The following SERPINA12 variants were observed in gnomAD, a reference collection of about 807,000 sequenced individuals.
SERPINA12 encodes the protein serpin family A member 12.
In SERPINA12, 21 loss-of-function variants were observed where a neutral mutation model predicts 25.9. That is an observed-to-expected ratio of 0.81 (90% CI 0.58 to 1.17). The LOEUF (loss-of-function observed/expected upper bound fraction) is 1.17, where lower values mean the gene tolerates loss of function less well. SERPINA12 is among the 50% of genes most tolerant of loss of function. The pLI is 0.00. For synonymous variants in SERPINA12, 220 were observed against 196.0 expected, an observed-to-expected ratio of 1.12 and a Z score of -1.02; for missense variants, 562 against 508.3, an observed-to-expected ratio of 1.11 and a Z score of -1.02.
At chr14:94,500,946 G>T (rs1455524031) in intron 1 of SERPINA12, 1 of 981,900 alleles carries the variant, frequency 1.0e-6, no homozygotes, top group East Asian at 1.1e-4. Context: ...TGCCTTCGTA[G>T]CTGTGTGACA....
Position 94,489,758 on chromosome 14 carries a change from G to A in SERPINA12, c.915C>T (p.Asp305=), listed in dbSNP as rs536943554. Residue 305 remains aspartate, a synonymous_variant, in exon 4 of 5, where the codon GAC becomes GAT. Transcript: ENST00000677451. ...TCATGTGGAGTCTGGGTACAGACAC[G>A]TCTACGACCCTGGGGAATTGACACG... ...WKTLLSRRVV[D]VSVPRLHMTG... is the part of the protein sequence containing the mutation. 3.8e-5 allele frequency: 62 copies of A among 1,613,890 alleles called. No individual in the cohort carries two copies. The highest frequency in any genetic ancestry group is 5.5e-5 in the South Asian group (5 of 91,072).
intron 2 of SERPINA12, among the ~76,000 whole-genome samples, chr14:94,515,619 C>T (rs1351733833): frequency 6.6e-6 from 1 of 152,174 alleles, no homozygotes; most frequent in Non-Finnish European, 1.5e-5. Context: ...GTTCTGTGCT[C>T]AAGGAGCTGA....
intron 3 of SERPINA12, among the ~76,000 whole-genome samples, chr14:94,490,916 C>T (rs1900153990): frequency 1.3e-5 from 2 of 152,192 alleles, no homozygotes; most frequent in South Asian, 2.1e-4. Flanking sequence ...GGCTCCACCC[C>T]TCCCATCTCT....
In SERPINA12 at chr14:94,487,362, T is replaced by G. The variant is rs1490659770; in HGVS notation, c.1186A>C (p.Ser396Arg). ...AAGAGCACGGAAGGTATTTTCTCGC[T>G]GTAAATCAGCAGCAGATAGGGTTTG... ...IDKPYLLLIY[S>R]EKIPSVLFLG... The change falls in exon 5 of 5, where the codon AGC becomes CGC. Residue 396 changes from serine (S) to arginine (R), a missense_variant. Ser to Arg is a moderately radical substitution (Grantham distance 110). Transcript: ENST00000677451. 6.2e-7 allele frequency: 1 copy of G among 1,614,160 alleles called. No individual in the cohort carries two copies.
intron 3 of SERPINA12, among the ~76,000 whole-genome samples, 171 bp from the exon 4 acceptor site, chr14:94,489,938 A>G (rs1900091892): frequency 6.6e-6 from 1 of 152,028 alleles, no homozygotes; most frequent in African/African-American, 2.4e-5. Context: ...TGGTTTCAAA[A>G]CACCATAAGC....
In SERPINA12 at chr14:94,487,316, G is replaced by C. The variant is rs764536720; in HGVS notation, c.1232C>G (p.Pro411Arg). The change falls in exon 5 of 5, where the codon CCT (proline) becomes CGT (arginine). Residue 411 changes from proline (P) to arginine (R), a missense_variant. Physicochemically the swap from Pro to Arg is moderately radical, Grantham distance 103. Coordinates refer to ENST00000677451, the MANE Select transcript of SERPINA12 (RefSeq NM_001382267.1). Reference sequence around the variant, plus strand: ...AGGAATTCTCCTTTATTTTCCAATAGGGTTAACAATCTTTCCCAGGAAGAG... The same window carrying C: ...AGGAATTCTCCTTTATTTTCCAATACGGTTAACAATCTTTCCCAGGAAGAG... ...SVLFLGKIVN[P>R]IGK 6 of 1,613,636 alleles carry C rather than the reference G, an allele frequency of 3.7e-6. No homozygotes were observed. The highest frequency in any genetic ancestry group is 3.4e-6 in the Non-Finnish European group (4 of 1,179,728).
intron 2 of SERPINA12, among the ~76,000 whole-genome samples, 179 bp from the exon 3 acceptor site, chr14:94,496,822 G>A (rs1459368162): frequency 6.6e-6 from 1 of 152,160 alleles, no homozygotes; most frequent in African/African-American, 2.4e-5. Context: ...GGGCTCAGGT[G>A]CAATTATTAG....
chr14:94,496,507 G>A lies in SERPINA12; in HGVS notation c.771C>T (p.Cys257=), dbSNP rs374678445. Residue 257 remains cysteine, a synonymous_variant, in exon 3 of 5, where the codon TGC becomes TGT. Transcript: ENST00000677451. ...TCTGGTAGGGTATTTCCAGGATGGT[G>A]CAAGAGAGCTTATCGTCATAGCCAA... ...YQVGYDDKLS[C]TILEIPYQKN... is the part of the protein sequence containing the mutation. 12 of 1,613,992 alleles carry A rather than the reference G, an allele frequency of 7.4e-6. No homozygotes were observed. The highest frequency in any genetic ancestry group is 2.2e-5 in the East Asian group (1 of 44,896).
chr14:94,501,225 A>G, intron 1 of SERPINA12: 1 of 938,432 alleles, frequency 1.1e-6, no homozygotes, highest in Non-Finnish European at 1.3e-6. Context: ...TCTGCTATTC[A>G]GAGTGGGCGC....
At position 94,489,649 on chromosome 14, in the gene SERPINA12, C is replaced by A; in HGVS notation, c.1024G>T (p.Ala342Ser). The A allele has an allele frequency of 1.9e-6, 3 of 1,614,044 alleles. No individual in the cohort carries two copies. Among genetic ancestry groups the A allele is most frequent in the Non-Finnish European group, 1.7e-6 (2 of 1,179,956 alleles). Residue 342 changes from alanine (A) to serine (S), a missense_variant, in exon 4 of 5, where the codon GCC becomes TCC. Ala to Ser is a moderately conservative substitution (Grantham distance 99, BLOSUM62 1). Transcript: ENST00000677451. ...FEEHGDLTKI[A>S]PHRSLKVGEA... ...CCCACTTTCAGGCTGCGATGAGGGG[C>A]GATCTTGGTGAGATCACCATGTTCC... is the stretch of plus-strand genomic sequence containing the variant.
intron 4 of SERPINA12, 138 bp from the exon 5 acceptor site, chr14:94,487,632 G>A (rs1438101858): frequency 5.1e-6 from 3 of 593,268 alleles, no homozygotes; most frequent in South Asian, 5.5e-5. Flanking sequence ...TTACTCCAGG[G>A]TTCCTGGCTC....
intron 1 of SERPINA12, chr14:94,503,422 C>T (rs111762633): frequency 1.9e-6 from 1 of 539,684 alleles, no homozygotes; most frequent in African/African-American, 2.1e-5. Context: ...AGAGCAATGC[C>T]CAGGAAATGG....
At chr14:94,489,794 G>A (rs1595683771) in intron 3 of SERPINA12, 27 bp from the exon 4 acceptor site, 3 of 1,611,232 alleles carry the variant, frequency 1.9e-6, no homozygotes, top group Middle Eastern at 3.3e-4. Context: ...ACAAGGGTGA[G>A]TGGTCAAGTC....
In SERPINA12 at chr14:94,487,427, T is replaced by C. The variant is rs1469736427; in HGVS notation, c.1121A>G (p.Gln374Arg). The part of the protein sequence containing the change: ...GTEGAAGTGA[Q>R]TLPMETPLVV... Reference sequence around the variant, plus strand: ...GAGTGGTGTCTCCATGGGCAGAGTCTGTGCTCCGGTGCCAGCGGCCCCTTC... The same window carrying C: ...GAGTGGTGTCTCCATGGGCAGAGTCCGTGCTCCGGTGCCAGCGGCCCCTTC... Residue 374 changes from glutamine to arginine, a missense_variant, in exon 5 of 5, where the codon CAG becomes CGG. Physicochemically the swap from Gln to Arg is conservative, Grantham distance 43. Transcript: ENST00000677451. 4 of 1,614,036 alleles carry C rather than the reference T, an allele frequency of 2.5e-6. No individual in the cohort carries two copies. The Admixed American group carries it at 5.0e-5, about 20-fold the overall frequency.
At position 94,497,750 on chromosome 14, in the gene SERPINA12, G is replaced by T; in HGVS notation, c.634+14C>A. On this transcript the variant is annotated intron_variant, in intron 2 of 4. Transcript: ENST00000677451. ...CATCCTATTCTTTCCACACCAACAT[G>T]CCAAAAGCCTTACCTCGAAAGAAAA... is the stretch of plus-strand genomic sequence containing the variant. 1.3e-6 allele frequency: 2 copies of T among 1,586,006 alleles called. No homozygotes were observed. Among genetic ancestry groups the T allele is most frequent in the South Asian group, 2.3e-5 (2 of 85,242 alleles).
upstream of SERPINA12, chr14:94,509,873 A>G (rs1487134913): frequency 1.4e-5 from 8 of 592,140 alleles, no homozygotes; most frequent in Admixed American, 6.3e-5. Flanking sequence ...CTTTGAGCAG[A>G]ATCGTCCACC....
At chr14:94,488,914 G>A (rs999771129) in intron 4 of SERPINA12, among the ~76,000 whole-genome samples, 20 of 152,160 alleles carry the variant, frequency 1.3e-4, no homozygotes, top group African/African-American at 4.3e-4. Flanking sequence ...GGCCAACATG[G>A]TGAAACCCTG....
chr14:94,491,615 G>A (rs1410166698), intron 3 of SERPINA12, among the ~76,000 whole-genome samples: 5 of 152,140 alleles, frequency 3.3e-5, no homozygotes, highest in Non-Finnish European at 5.9e-5. Flanking sequence ...AATTCCAGAT[G>A]TGGTTTGCTG....
rs1363897458 is a variant in SERPINA12 at position 94,487,340 on chromosome 14, A to G, written c.1208T>C (p.Leu403Pro). Residue 403 changes from leucine to proline, a missense_variant, in exon 5 of 5, where the codon CTC (leucine) becomes CCC (proline). Physicochemically the swap from Leu to Pro is moderately conservative, Grantham distance 98. Coordinates refer to ENST00000677451, the MANE Select transcript of SERPINA12 (RefSeq NM_001382267.1). ...LIYSEKIPSV[L>P]FLGKIVNPIG... is the part of the protein sequence containing the mutation. ...AGGGTTAACAATCTTTCCCAGGAAG[A>G]GCACGGAAGGTATTTTCTCGCTGTA... The G allele has an allele frequency of 1.2e-6, 2 of 1,613,954 alleles. No individual in the cohort carries two copies. Among genetic ancestry groups the G allele is most frequent in the Admixed American group, 3.3e-5 (2 of 59,980 alleles).
Sources: gnomAD v4.1 joint callset for allele counts (sites outside exome capture counted in the v4.1 genomes callset) on GRCh38, gnomAD v4.1.1 for gene constraint, MANE v1.5 for transcripts, NCBI Gene and HGNC (gene_info 2026-07-23, HGNC 2026-07-21) for gene names.